The following ADCK1 variants were observed in gnomAD, a reference collection of about 807,000 sequenced individuals.
ADCK1 encodes the protein aarF domain containing kinase 1.
Under a neutral mutation model 52.3 loss-of-function variants are expected in ADCK1, and 41 were observed. The ratio of observed to expected loss-of-function variants is 0.78; its 90% CI spans 0.61 to 1.02. ADCK1 has a LOEUF of 1.02. Ranked by LOEUF, ADCK1 falls within the 50% of genes least tolerant of loss-of-function variation. ADCK1 has a pLI of 0.00. For synonymous variants in ADCK1, 250 were observed against 274.6 expected (o/e 0.91, Z 0.89); for missense variants, 658 against 679.5 (o/e 0.97, Z 0.35).
At chr14:77,874,034 T>G (rs1489897387) in intron 4 of ADCK1, among the ~76,000 whole-genome samples, 3 of 152,190 alleles carry the variant, frequency 2.0e-5, no homozygotes. Context: ...TGAGGTGACT[T>G]CGCTGAGGTC....
intron 7 of ADCK1, among the ~76,000 whole-genome samples, chr14:77,911,317 G>T (rs1163262815): frequency 6.6e-6 from 1 of 152,170 alleles, no homozygotes; most frequent in Non-Finnish European, 1.5e-5. Flanking sequence ...GGATCTATAG[G>T]TTGGTGCAAA....
At chr14:77,869,543 A>G (rs1416454497) in intron 4 of ADCK1, among the ~76,000 whole-genome samples, 2 of 152,176 alleles carry the variant, frequency 1.3e-5, no homozygotes, top group African/African-American at 4.8e-5. Flanking sequence ...TCATTTCCAA[A>G]TAAGGTCACA....
intron 4 of ADCK1, among the ~76,000 whole-genome samples, chr14:77,882,690 T>C (rs741575): frequency 0.53 from 80,669 of 151,894 alleles, 21,645 homozygotes; most frequent in South Asian, 0.65. Flanking sequence ...GTGGTTTCTC[T>C]AGAAGATCCT....
chr14:77,900,524 T>C, intron 6 of ADCK1: 1 of 445,672 alleles, frequency 2.2e-6, no homozygotes, highest in Non-Finnish European at 4.5e-6. Context: ...GAGGCAGACG[T>C]TGTAGTGAGC....
rs2082506478 is a variant in ADCK1 at position 77,859,881 on chromosome 14, T to C, written c.423+602T>C. Among the ~76,000 whole-genome samples, 3 of 152,194 alleles carry C rather than the reference T, an allele frequency of 2.0e-5. No individual in the cohort carries two copies. The South Asian group carries it at 6.2e-4, about 31-fold the overall frequency. Reference sequence around the variant, plus strand: ...ATAGTAATGGTGTTCTATACTATTGTGGTTGTTGTTTCCCTACGCTCTGGT... The same window carrying C: ...ATAGTAATGGTGTTCTATACTATTGCGGTTGTTGTTTCCCTACGCTCTGGT... On this transcript the variant is annotated intron_variant, in intron 4 of 10. Coordinates refer to ENST00000238561, the MANE Select transcript of ADCK1 (RefSeq NM_020421.4).
At chr14:77,878,689 T>A (rs1273060635) in intron 4 of ADCK1, among the ~76,000 whole-genome samples, 2 of 152,238 alleles carry the variant, frequency 1.3e-5, no homozygotes, top group African/African-American at 4.8e-5. Context: ...GGCTTCATAC[T>A]GTACTGTGTC....
chr14:77,819,693 G>C (rs2081540261), intron 2 of ADCK1, among the ~76,000 whole-genome samples: 1 of 152,218 alleles, frequency 6.6e-6, no homozygotes, highest in African/African-American at 2.4e-5. Flanking sequence ...TCATCCTGGT[G>C]TGATCAGGTC....
intron 3 of ADCK1, among the ~76,000 whole-genome samples, chr14:77,854,860 G>A (rs2082385615): frequency 6.6e-6 from 1 of 152,160 alleles, no homozygotes; most frequent in South Asian, 2.1e-4. Context: ...ACTCACAGGA[G>A]TGTGCTTTTC....
At chr14:77,819,189 C>G in intron 2 of ADCK1, 76 bp downstream of exon 2, 1 of 1,571,116 alleles carries the variant, frequency 6.4e-7, no homozygotes, top group Non-Finnish European at 8.7e-7. Flanking sequence ...AGCAGATAGA[C>G]ATGCCTGCTA....
chr14:77,887,564 C>T (rs535197712), intron 5 of ADCK1, among the ~76,000 whole-genome samples: 1 of 152,256 alleles, frequency 6.6e-6, no homozygotes, highest in Admixed American at 6.5e-5. Context: ...ATGAGCTGAA[C>T]CAAAGGTGTG....
chr14:77,889,828 A>G (rs550547672), intron 5 of ADCK1, among the ~76,000 whole-genome samples: 1 of 146,690 alleles, frequency 6.8e-6, no homozygotes, highest in South Asian at 2.2e-4. Flanking sequence ...GAGTAAAGAT[A>G]CTTTTGATAG....
intron 4 of ADCK1, among the ~76,000 whole-genome samples, chr14:77,861,378 G>A (rs373943159): frequency 2.6e-5 from 4 of 152,144 alleles, no homozygotes; most frequent in African/African-American, 9.6e-5. Context: ...GGAGGGGAGC[G>A]GGGCCATGTG....
chr14:77,830,485 G>A (rs2081823009), intron 3 of ADCK1, among the ~76,000 whole-genome samples: 1 of 150,940 alleles, frequency 6.6e-6, no homozygotes. Context: ...ATGAGACAGA[G>A]TCTTGTCATG....
chr14:77,893,765 A>C (rs1595038499), intron 5 of ADCK1, among the ~76,000 whole-genome samples: 8 of 65,212 alleles, frequency 1.2e-4, no homozygotes, highest in Admixed American at 5.2e-4. Flanking sequence ...ACAGAGTCTC[A>C]CTCTGTTGCC....
At chr14:77,810,171 G>A (rs2081311137) in intron 1 of ADCK1, among the ~76,000 whole-genome samples, 1 of 151,730 alleles carries the variant, frequency 6.6e-6, no homozygotes, top group Admixed American at 6.6e-5. Context: ...AAGTGCGATG[G>A]CACTCACCAC....
intron 6 of ADCK1, among the ~76,000 whole-genome samples, chr14:77,906,573 T>C (rs2083670700): frequency 6.6e-6 from 1 of 152,236 alleles, no homozygotes; most frequent in Non-Finnish European, 1.5e-5. Flanking sequence ...AACAAAAGAA[T>C]TTGTTGTCTT....
rs776726217 is a variant in ADCK1, at chr14:77,899,166, A to G, written c.649A>G (p.Lys217Glu). The change falls in exon 6 of 11, where the codon AAG (lysine) becomes GAG (glutamate). Residue 217 changes from lysine to glutamate, a missense_variant. Lys to Glu is a moderately conservative substitution (Grantham distance 56). Coordinates refer to ENST00000238561, the MANE Select transcript of ADCK1 (RefSeq NM_020421.4). Reference protein sequence around the residue: ...FEFMWLVDEAKKNLPLELDFL... With the variant: ...FEFMWLVDEAEKNLPLELDFL... The stretch of plus-strand genomic sequence containing the variant: ...GTTTATGTGGCTTGTGGATGAAGCC[A>G]AGAAGAACCTGCCTTTGGAGCTGGA... 29 of 1,614,074 alleles carry G rather than the reference A, an allele frequency of 1.8e-5. No homozygotes were observed. The South Asian group carries it at 3.2e-4, about 18-fold the overall frequency.
At chr14:77,818,283 C>T (rs2081506159) in intron 1 of ADCK1, among the ~76,000 whole-genome samples, 2 of 151,692 alleles carry the variant, frequency 1.3e-5, no homozygotes, top group Non-Finnish European at 2.9e-5. Context: ...ATCCCTTAGC[C>T]CTCTCTGCTT....
chr14:77,854,782 C>T (rs2082383509), intron 3 of ADCK1, among the ~76,000 whole-genome samples: 3 of 152,140 alleles, frequency 2.0e-5, no homozygotes, highest in Non-Finnish European at 4.4e-5. Flanking sequence ...TGGTCTTGGA[C>T]TCCTGACCTC....
Sources: allele counts gnomAD v4.1 joint callset (sites outside exome capture counted in the v4.1 genomes callset), GRCh38; gene constraint gnomAD v4.1.1; transcripts MANE v1.5; gene names NCBI Gene and HGNC (gene_info 2026-07-23, HGNC 2026-07-21).